MARCHF1: variants seen among roughly 807,000 people sequenced by gnomAD.
The protein encoded by MARCHF1 is membrane associated ring-CH-type finger 1, also known as E3 ubiquitin-protein ligase MARCHF1.
In MARCHF1, 40 loss-of-function variants were observed where a neutral mutation model predicts 54.2. The ratio of observed to expected loss-of-function variants is 0.74; its 90% CI spans 0.57 to 0.96. The LOEUF is 0.96. Among genes scored for constraint, MARCHF1 ranks in the 40% least tolerant of loss-of-function variants. The pLI, the probability that MARCHF1 is intolerant of heterozygous loss-of-function variation, is 0.00. For synonymous variants in MARCHF1, 236 were observed against 236.3 expected (o/e 1.00, Z 0.01); for missense variants, 586 against 656.5 (o/e 0.89, Z 1.17).
At chr4:164,083,518 A>C (rs1755140628) in intron 2 of MARCHF1, among the ~76,000 whole-genome samples, 1 of 152,098 alleles carries the variant, frequency 6.6e-6, no homozygotes, top group African/African-American at 2.4e-5. Flanking sequence ...AGAAAGGAAA[A>C]TAGCCAGACA....
At chr4:164,073,211 C>T (rs1482901639) in intron 2 of MARCHF1, among the ~76,000 whole-genome samples, 1 of 152,118 alleles carries the variant, frequency 6.6e-6, no homozygotes, top group Non-Finnish European at 1.5e-5. Flanking sequence ...TTCATTGTGG[C>T]ACTGTTCGCA....
intron 8 of MARCHF1, among the ~76,000 whole-genome samples, chr4:163,572,893 C>T (rs2110762924): frequency 6.6e-6 from 1 of 152,212 alleles, no homozygotes; most frequent in African/African-American, 2.4e-5. Flanking sequence ...TTTCACAGTT[C>T]TCATCTATCT....
chr4:163,721,299 G>A (rs1424229819), intron 4 of MARCHF1, among the ~76,000 whole-genome samples: 3 of 152,108 alleles, frequency 2.0e-5, no homozygotes, highest in Non-Finnish European at 2.9e-5. Context: ...TGTGGTTTTT[G>A]TCTTTGGTTC....
At chr4:163,787,859 C>G (rs1411122684) in intron 4 of MARCHF1, among the ~76,000 whole-genome samples, 1 of 151,898 alleles carries the variant, frequency 6.6e-6, no homozygotes, top group South Asian at 2.1e-4. Context: ...ATAACAAAAA[C>G]ATGGCATATA....
intron 4 of MARCHF1, among the ~76,000 whole-genome samples, chr4:163,834,137 G>A (rs1749110241): frequency 1.3e-5 from 2 of 152,278 alleles, no homozygotes; most frequent in East Asian, 3.9e-4. Flanking sequence ...ACAAAAAATT[G>A]TACTTGTAAA....
intron 3 of MARCHF1, among the ~76,000 whole-genome samples, chr4:163,870,635 T>C (rs1023018094): frequency 6.6e-6 from 1 of 152,044 alleles, no homozygotes; most frequent in Non-Finnish European, 1.5e-5. Context: ...TGTTGTAGCT[T>C]AGAGAAAGAT....
intron 3 of MARCHF1, among the ~76,000 whole-genome samples, chr4:163,877,703 T>C (rs1021905629): frequency 2.0e-5 from 3 of 152,188 alleles, no homozygotes; most frequent in Non-Finnish European, 4.4e-5. Flanking sequence ...CTCTCCTGCT[T>C]ACATGCAAAA....
intron 1 of MARCHF1, among the ~76,000 whole-genome samples, chr4:164,305,382 G>T (rs1431899403): frequency 6.6e-6 from 1 of 152,124 alleles, no homozygotes; most frequent in Non-Finnish European, 1.5e-5. Context: ...AAAGAAGTAG[G>T]AGTGGGGTAA....
intron 1 of MARCHF1, among the ~76,000 whole-genome samples, chr4:164,128,313 G>A (rs902908967): frequency 1.3e-5 from 2 of 151,918 alleles, no homozygotes; most frequent in African/African-American, 4.8e-5. Context: ...TTAAAATACA[G>A]ATTTTATAAC....
At chr4:163,790,040 A>T (rs1747732220) in intron 4 of MARCHF1, among the ~76,000 whole-genome samples, 1 of 152,118 alleles carries the variant, frequency 6.6e-6, no homozygotes, top group Non-Finnish European at 1.5e-5. Flanking sequence ...AGCTAAGATC[A>T]GGATAATTTT....
chr4:163,767,386 T>G (rs1487628191), intron 4 of MARCHF1, among the ~76,000 whole-genome samples: 1 of 150,870 alleles, frequency 6.6e-6, no homozygotes, highest in Non-Finnish European at 1.5e-5. Flanking sequence ...CAGGCTGGAG[T>G]GCAGTGGCGC....
intron 3 of MARCHF1, among the ~76,000 whole-genome samples, chr4:163,921,683 AAAG>A (rs1302270477): frequency 1.1e-4 from 16 of 152,192 alleles, no homozygotes; most frequent in East Asian, 1.9e-4. Flanking sequence ...GATATCATAA[AAAG>A]AAATCAATTT....
chr4:163,782,016 AG>A (rs1408800849), intron 4 of MARCHF1, among the ~76,000 whole-genome samples: 1 of 152,186 alleles, frequency 6.6e-6, no homozygotes, highest in Non-Finnish European at 1.5e-5. Context: ...TTTCCCTCTG[AG>A]CTACTGTGTA....
At chr4:164,366,212 C>T (rs1302644514) in intron 1 of MARCHF1, among the ~76,000 whole-genome samples, 1 of 152,000 alleles carries the variant, frequency 6.6e-6, no homozygotes, top group Non-Finnish European at 1.5e-5. Flanking sequence ...ATAAATAATA[C>T]TTCTGCATAT....
intron 2 of MARCHF1, among the ~76,000 whole-genome samples, chr4:164,049,726 G>C (rs1487775908): frequency 6.6e-6 from 1 of 152,122 alleles, no homozygotes; most frequent in African/African-American, 2.4e-5. Flanking sequence ...GAAAGGAAAT[G>C]TCACCATACA....
intron 2 of MARCHF1, among the ~76,000 whole-genome samples, chr4:164,062,215 G>A (rs1754633736): frequency 6.6e-6 from 1 of 152,106 alleles, no homozygotes; most frequent in Non-Finnish European, 1.5e-5. Flanking sequence ...TGAGATTGCA[G>A]TAATTCAGTC....
chr4:164,361,374 G>A (rs577365024), intron 1 of MARCHF1, among the ~76,000 whole-genome samples: 9 of 152,056 alleles, frequency 5.9e-5, no homozygotes, highest in Non-Finnish European at 8.8e-5. Context: ...AACTGCAACC[G>A]TTGTCACACT....
At position 164,104,308 on chromosome 4, in the gene MARCHF1, AC is replaced by A. The variant is rs1489933392; in HGVS notation, c.-248+7279del. ...GATACCAAAGCCGGGCAGAGACACA[AC>A]CAAAAAAGAGAATTTTAGACCAATA... On this transcript the variant is annotated intron_variant, in intron 2 of 9. Transcript: ENST00000514618. Among the ~76,000 whole-genome samples the A allele has an allele frequency of 1.3e-4, 14 of 104,450 alleles. No individual in the cohort carries two copies. The East Asian group carries it at 3.6e-3, about 27-fold the overall frequency. The allele number at this position is 104,450 out of a possible 152,430, so 68.5% of individuals were successfully genotyped here.
chr4:164,059,983 T>G (rs1198371835), intron 2 of MARCHF1, among the ~76,000 whole-genome samples: 2 of 152,154 alleles, frequency 1.3e-5, no homozygotes, highest in African/African-American at 4.8e-5. Flanking sequence ...ATGGTCAAGT[T>G]GTTTTTACTC....
Sources: allele counts gnomAD v4.1 joint callset (sites outside exome capture counted in the v4.1 genomes callset), GRCh38; gene constraint gnomAD v4.1.1; transcripts MANE v1.5; gene names NCBI Gene and HGNC (gene_info 2026-07-23, HGNC 2026-07-21).